The following SH3D19 variants were observed in gnomAD, a reference collection of about 807,000 sequenced individuals.
The protein encoded by SH3D19 is SH3 domain containing 19.
In SH3D19, 58 loss-of-function variants were observed where a neutral mutation model predicts 112.1. That is an observed-to-expected ratio of 0.52 (90% CI 0.42 to 0.64). The LOEUF (loss-of-function observed/expected upper bound fraction) is 0.64. Among genes scored for constraint, SH3D19 ranks in the 30% least tolerant of loss-of-function variants. The pLI is 0.00. For synonymous variants in SH3D19, 391 were observed against 448.5 expected (o/e 0.87, Z 1.62); for missense variants, 1,090 against 1,263.4 (o/e 0.86, Z 2.08).
At chr4:151,139,723 A>G in intron 13 of SH3D19, 52 bp downstream of exon 13, 1 of 1,546,028 alleles carries the variant, frequency 6.5e-7, no homozygotes, top group Non-Finnish European at 8.9e-7. Context: ...GCAGGGAAAA[A>G]GACTTACTCC....
At chr4:151,325,135 TC>T in intron 1 of SH3D19, 105 bp downstream of exon 1, 1 of 515,202 alleles carries the variant, frequency 1.9e-6, no homozygotes, top group Non-Finnish European at 2.9e-6. Flanking sequence ...AAGAAGCCGG[TC>T]CCATCCCGGC....
In SH3D19 at chr4:151,147,916, A is replaced by G; in HGVS notation, c.2082+6T>C. On this transcript the variant is annotated splice_donor_region_variant and intron_variant, in intron 11 of 19. Coordinates refer to ENST00000604030, the MANE Select transcript of SH3D19 (RefSeq NM_001378122.1). ...GACCACAAACATTTTTAAAAGCTAAATTTACCATGTATTTACTGTAGAGAG... is the reference window on the plus strand; with the variant it reads ...GACCACAAACATTTTTAAAAGCTAAGTTTACCATGTATTTACTGTAGAGAG... 6.3e-7 allele frequency: 1 copy of G among 1,587,594 alleles called. No homozygotes were observed. The highest frequency in any genetic ancestry group is 8.6e-7 in the Non-Finnish European group (1 of 1,169,202).
chr4:151,235,034 G>A (rs1369606868), intron 1 of SH3D19, among the ~76,000 whole-genome samples: 1 of 152,120 alleles, frequency 6.6e-6, no homozygotes, highest in Non-Finnish European at 1.5e-5. Context: ...ACAGGCATGA[G>A]CCATCACACC....
At chr4:151,231,004 G>T (rs1441656928) in intron 1 of SH3D19, among the ~76,000 whole-genome samples, 1 of 152,110 alleles carries the variant, frequency 6.6e-6, no homozygotes, top group East Asian at 1.9e-4. Context: ...AGTATATACG[G>T]TATATATTAT....
intron 2 of SH3D19, among the ~76,000 whole-genome samples, chr4:151,205,095 A>G (rs536400824): frequency 6.6e-6 from 1 of 152,274 alleles, no homozygotes; most frequent in East Asian, 1.9e-4. Flanking sequence ...TACTGGGATT[A>G]CAGGCATGAG....
At chr4:151,281,932 C>T (rs1216996976) in intron 1 of SH3D19, among the ~76,000 whole-genome samples, 5 of 151,880 alleles carry the variant, frequency 3.3e-5, no homozygotes, top group African/African-American at 9.7e-5. Flanking sequence ...AAGCCACAAG[C>T]CTCTAGGAAG....
Position 151,159,389 on chromosome 4 carries a change from G to C in SH3D19, c.1643-37C>G, listed in dbSNP as rs373166277. 3.1e-5 allele frequency: 38 copies of C among 1,229,210 alleles called. No individual in the cohort carries two copies. In the African/African-American group the frequency reaches 5.6e-4, roughly 18 times the overall value. 76.1% of individuals were successfully genotyped at this position (1,229,210 alleles called of 1,614,324 possible). A position where few individuals can be genotyped will look rare whatever the true frequency, so the allele number is the denominator to read the frequency against. On this transcript the variant is annotated intron_variant, in intron 8 of 19. Transcript: ENST00000604030. ...AGCAGTAATTCATCAATAATTTCTA[G>C]TTTCTGGGATTCCAAAGAATGAAAT...
intron 7 of SH3D19, among the ~76,000 whole-genome samples, chr4:151,167,065 GAA>G (rs965877472): frequency 6.8e-6 from 1 of 147,376 alleles, no homozygotes; most frequent in Non-Finnish European, 1.5e-5. Flanking sequence ...TGCTACTGAG[GAA>G]AAAAAAAATA....
chr4:151,148,483 T>C (rs1754346182), intron 10 of SH3D19, among the ~76,000 whole-genome samples: 1 of 152,128 alleles, frequency 6.6e-6, no homozygotes, highest in Non-Finnish European at 1.5e-5. Flanking sequence ...CTCTCTAAGG[T>C]CCCATTTGCT....
At chr4:151,165,900 T>A (rs1757934140) in intron 7 of SH3D19, 2 of 508,170 alleles carry the variant, frequency 3.9e-6, no homozygotes, top group Non-Finnish European at 7.0e-6. Context: ...TTCATGCGGC[T>A]TTTCTTCCTC....
chr4:151,140,226 G>C, intron 12 of SH3D19: 1 of 164,958 alleles, frequency 6.1e-6, no homozygotes, highest in South Asian at 1.7e-4. Flanking sequence ...CTGTGATCAA[G>C]ACAGAGTCTT....
intron 1 of SH3D19, among the ~76,000 whole-genome samples, chr4:151,322,432 A>T (rs901923396): frequency 4.5e-4 from 44 of 97,934 alleles, no homozygotes; most frequent in Admixed American, 9.2e-4. Flanking sequence ...GACTCTGCCT[A>T]AAAAAAAAAA....
intron 1 of SH3D19, among the ~76,000 whole-genome samples, chr4:151,234,652 CCTGA>C (rs768357710): frequency 8.6e-5 from 13 of 151,626 alleles, no homozygotes; most frequent in East Asian, 1.9e-4. Flanking sequence ...CTTTTAGTTC[CCTGA>C]CTATCAAATG....
At chr4:151,313,232 A>G (rs1729651219) in intron 1 of SH3D19, among the ~76,000 whole-genome samples, 2 of 152,158 alleles carry the variant, frequency 1.3e-5, no homozygotes, top group Non-Finnish European at 2.9e-5. Context: ...ACAGAGGTGT[A>G]AGAAATACCA....
At chr4:151,299,991 C>T (rs959703891) in intron 1 of SH3D19, among the ~76,000 whole-genome samples, 5 of 152,182 alleles carry the variant, frequency 3.3e-5, no homozygotes, top group East Asian at 1.9e-4. Flanking sequence ...CACCTGAGGT[C>T]GGGAGTTCGA....
intron 1 of SH3D19, among the ~76,000 whole-genome samples, chr4:151,272,905 A>G (rs1773326549): frequency 6.6e-6 from 1 of 152,128 alleles, no homozygotes; most frequent in South Asian, 2.1e-4. Flanking sequence ...CTTTTCATCT[A>G]AAGACTTGAT....
intron 12 of SH3D19, among the ~76,000 whole-genome samples, chr4:151,141,697 T>C (rs1753021303): frequency 6.6e-6 from 1 of 152,222 alleles, no homozygotes; most frequent in Non-Finnish European, 1.5e-5. Context: ...CATGTGCATG[T>C]GTGATTTTCA....
At chr4:151,298,103 G>A (rs1775824242) in intron 1 of SH3D19, among the ~76,000 whole-genome samples, 1 of 151,880 alleles carries the variant, frequency 6.6e-6, no homozygotes, top group South Asian at 2.1e-4. Flanking sequence ...CAGACGGAAT[G>A]CAGTCCTGCC....
chr4:151,233,770 C>T (rs1358198489), intron 1 of SH3D19, among the ~76,000 whole-genome samples: 3 of 152,220 alleles, frequency 2.0e-5, no homozygotes, highest in Non-Finnish European at 2.9e-5. Flanking sequence ...AACTCTCAGA[C>T]TATCCGTCTA....
Sources: gnomAD v4.1 joint callset for allele counts (sites outside exome capture counted in the v4.1 genomes callset) on GRCh38, gnomAD v4.1.1 for gene constraint, MANE v1.5 for transcripts, NCBI Gene and HGNC (gene_info 2026-07-23, HGNC 2026-07-21) for gene names.